ST18: variants seen among roughly 807,000 people sequenced by gnomAD.
ST18 encodes the protein ST18 C2H2C-type zinc finger transcription factor, also known as suppression of tumorigenicity 18 protein.
Under a neutral mutation model 110.0 loss-of-function variants are expected in ST18, and 50 were observed. The ratio of observed to expected loss-of-function variants is 0.45; its 90% CI spans 0.36 to 0.58. ST18 has a LOEUF of 0.58. Among genes scored for constraint, ST18 ranks in the 20% least tolerant of loss-of-function variants. The probability of loss-of-function intolerance (pLI) is 0.00; values close to 1 mark genes in which losing one functional copy is unlikely to be tolerated. For missense variants in ST18, 1,306 were observed against 1,280.1 expected, an observed-to-expected ratio of 1.02 and a Z score of -0.31; for synonymous variants, 461 against 452.4, an observed-to-expected ratio of 1.02 and a Z score of -0.24.
At chr8:52,210,288 C>A (rs1212059841) in intron 8 of ST18, among the ~76,000 whole-genome samples, 2 of 152,154 alleles carry the variant, frequency 1.3e-5, no homozygotes, top group Non-Finnish European at 2.9e-5. Flanking sequence ...TTTAAATGAG[C>A]AAGGTTATTC....
intron 2 of ST18, among the ~76,000 whole-genome samples, chr8:52,389,342 T>C (rs1838400754): frequency 6.6e-6 from 1 of 152,286 alleles, no homozygotes; most frequent in South Asian, 2.1e-4. Flanking sequence ...AGCTGCTGTT[T>C]CCCTGGACAA....
intron 10 of ST18, among the ~76,000 whole-genome samples, chr8:52,171,411 A>G (rs961976677): frequency 1.5e-4 from 23 of 152,248 alleles, no homozygotes; most frequent in Admixed American, 1.2e-3. Flanking sequence ...CAAGTTAGAT[A>G]ATCCAAGAAT....
At chr8:52,155,679 T>C (rs530079978) in intron 15 of ST18, among the ~76,000 whole-genome samples, 3 of 152,322 alleles carry the variant, frequency 2.0e-5, no homozygotes, top group African/African-American at 7.2e-5. Context: ...CTTCGTTATA[T>C]TTTTAGAGTG....
intron 19 of ST18, among the ~76,000 whole-genome samples, chr8:52,134,085 T>C (rs538275511): frequency 3.7e-4 from 56 of 152,332 alleles, no homozygotes; most frequent in African/African-American, 1.3e-3. Context: ...GCGACTATGA[T>C]AATCCATAGA....
chr8:52,306,922 G>T (rs189161201), intron 2 of ST18, among the ~76,000 whole-genome samples: 8 of 152,286 alleles, frequency 5.3e-5, no homozygotes, highest in Admixed American at 3.9e-4. Flanking sequence ...AACACATTTA[G>T]ACATTAGATT....
intron 15 of ST18, among the ~76,000 whole-genome samples, chr8:52,155,602 C>T (rs565284491): frequency 2.2e-4 from 34 of 152,186 alleles, no homozygotes; most frequent in African/African-American, 2.6e-4. Context: ...GGATCAGTGA[C>T]GTCTTCCAGT....
At chr8:52,270,794 A>G (rs2095048282) in intron 2 of ST18, among the ~76,000 whole-genome samples, 1 of 152,164 alleles carries the variant, frequency 6.6e-6, no homozygotes, top group African/African-American at 2.4e-5. Flanking sequence ...TCTAAAATTG[A>G]TAGTGGTGAA....
intron 2 of ST18, among the ~76,000 whole-genome samples, chr8:52,371,354 T>C (rs1014691877): frequency 6.6e-6 from 1 of 152,218 alleles, no homozygotes; most frequent in Non-Finnish European, 1.5e-5. Flanking sequence ...ACTAAAAATA[T>C]ACTAGTTTTT....
rs534046243 is a variant in ST18, at chr8:52,135,326, C to A, written c.2300+1264G>T. On this transcript the variant is annotated intron_variant, in intron 19 of 25. Transcript: ENST00000689386. The stretch of plus-strand genomic sequence containing the variant: ...ATATAATCCCAGCACTTTAGGAGGC[C>A]GAGGCGGGCAGATCACCTGGGGTCA... Among the ~76,000 whole-genome samples the A allele has an allele frequency of 8.8e-4, 133 of 151,874 alleles. 1 individual carries two copies. The highest frequency in any genetic ancestry group is 1.9e-3 in the South Asian group (9 of 4,788).
intron 2 of ST18, among the ~76,000 whole-genome samples, chr8:52,396,366 T>C (rs536813342): frequency 6.6e-6 from 1 of 152,296 alleles, no homozygotes; most frequent in South Asian, 2.1e-4. Context: ...ATTACATAAA[T>C]ATTTTTCTTT....
intron 8 of ST18, among the ~76,000 whole-genome samples, chr8:52,208,309 TG>T (rs957739763): frequency 2.6e-5 from 4 of 152,162 alleles, no homozygotes; most frequent in African/African-American, 9.7e-5. Flanking sequence ...ACTTTTACAC[TG>T]GGGAAAACAT....
chr8:52,117,076 A>G (rs533874457), intron 24 of ST18, among the ~76,000 whole-genome samples: 6 of 152,240 alleles, frequency 3.9e-5, no homozygotes, highest in Middle Eastern at 3.4e-3. Flanking sequence ...CAGAATAAAA[A>G]CCAAGGTCTT....
At chr8:52,282,126 T>C (rs1343999215) in intron 2 of ST18, among the ~76,000 whole-genome samples, 1 of 151,938 alleles carries the variant, frequency 6.6e-6, no homozygotes, top group African/African-American at 2.4e-5. Context: ...CACATGCAAC[T>C]CATACAGAAA....
At position 52,116,211 on chromosome 8, in the gene ST18, G is replaced by A. The variant is rs1203264875; in HGVS notation, c.3003+64C>T. On this transcript the variant is annotated intron_variant, in intron 25 of 25. Coordinates refer to ENST00000689386, the MANE Select transcript of ST18 (RefSeq NM_001352837.2). The stretch of plus-strand genomic sequence containing the variant: ...AAGCTCAGTCGTGGCAACCCCGTGG[G>A]TAGATGCATGATGACACTGCAAATG... 5.1e-6 allele frequency: 8 copies of A among 1,564,352 alleles called. No homozygotes were observed. In the African/African-American group the frequency reaches 6.8e-5, roughly 13 times the overall value.
At chr8:52,168,550 G>A (rs968185300) in intron 10 of ST18, among the ~76,000 whole-genome samples, 2 of 152,078 alleles carry the variant, frequency 1.3e-5, no homozygotes, top group East Asian at 3.9e-4. Context: ...AGCAGAAGCG[G>A]AAGAGCCAAG....
At chr8:52,361,058 C>A (rs1825508564) in intron 2 of ST18, among the ~76,000 whole-genome samples, 1 of 152,168 alleles carries the variant, frequency 6.6e-6, no homozygotes, top group South Asian at 2.1e-4. Context: ...GAATTGAAAA[C>A]CATGCATTGT....
At chr8:52,256,767 A>C (rs1392988490) in intron 2 of ST18, among the ~76,000 whole-genome samples, 1 of 152,216 alleles carries the variant, frequency 6.6e-6, no homozygotes, top group African/African-American at 2.4e-5. Flanking sequence ...TAATAATAGG[A>C]ATTAAAAATA....
At chr8:52,141,199 T>A (rs367757178) in intron 17 of ST18, among the ~76,000 whole-genome samples, 1 of 152,194 alleles carries the variant, frequency 6.6e-6, no homozygotes, top group Non-Finnish European at 1.5e-5. Context: ...AAGCTTATTT[T>A]AAAGTCGCTC....
chr8:52,350,056 G>A lies in ST18; in HGVS notation c.-465+59272C>T, dbSNP rs16917737. 7.9e-3 allele frequency among the ~76,000 whole-genome samples: 1,205 copies of A among 152,258 alleles called. 17 individuals are homozygous for A. The highest frequency in any genetic ancestry group is 0.027 in the African/African-American group (1,136 of 41,538). Reference sequence around the variant, plus strand: ...CGCAGGACCTCCCATCACAGAACCCGGCCTGAAGTCTGAGGAGGGAGCAGG... The same window carrying A: ...CGCAGGACCTCCCATCACAGAACCCAGCCTGAAGTCTGAGGAGGGAGCAGG... On this transcript the variant is annotated intron_variant, in intron 2 of 25. Coordinates refer to ENST00000689386, the MANE Select transcript of ST18 (RefSeq NM_001352837.2).
Sources: gnomAD v4.1 joint callset for allele counts (sites outside exome capture counted in the v4.1 genomes callset) on GRCh38, gnomAD v4.1.1 for gene constraint, MANE v1.5 for transcripts, NCBI Gene and HGNC (gene_info 2026-07-23, HGNC 2026-07-21) for gene names.